PRXL2C: variants seen among roughly 807,000 people sequenced by gnomAD.
The protein encoded by PRXL2C is peroxiredoxin like 2C, also known as peroxiredoxin-like 2C.
A neutral mutation model predicts 24.9 loss-of-function variants in PRXL2C; 38 were observed. That is an observed-to-expected ratio of 1.53 (90% confidence interval 1.18 to 2.00). The LOEUF is 2.00. Ranked by LOEUF, PRXL2C falls within the 30% of genes most tolerant of loss-of-function variation. The pLI is 0.00. For synonymous variants in PRXL2C, 98 were observed against 117.2 expected (o/e 0.84, Z 1.06); for missense variants, 294 against 290.9 (o/e 1.01, Z -0.08).
chr9:96,644,881 C>CT (rs530343244), intron 5 of PRXL2C, among the ~76,000 whole-genome samples: 1,562 of 36,700 alleles, frequency 0.043, 490 homozygotes, highest in Middle Eastern at 0.083. Flanking sequence ...TACATGGATT[C>CT]TTTTTTTTTT....
Position 96,640,604 on chromosome 9 carries a change from G to A in PRXL2C, c.*1155C>T, listed in dbSNP as rs941021794. 1 of 147,404 alleles carries A rather than the reference G, an allele frequency of 6.8e-6. No homozygotes were observed. Among genetic ancestry groups the A allele is most frequent in the African/African-American group, 2.5e-5 (1 of 40,010 alleles). 9.1% of individuals were successfully genotyped at this position (147,404 alleles called of 1,614,324 possible). A position where few individuals can be genotyped will look rare whatever the true frequency, so the allele number is the denominator to read the frequency against. On this transcript the variant is annotated 3_prime_UTR_variant, in exon 6 of 6. Transcript: ENST00000375234. Reference sequence around the variant, plus strand: ...ACACATTGGGAGGCCGAGGTGGGCGGATCATGAGGTCAGGAGGTCAAGACC... The same window carrying A: ...ACACATTGGGAGGCCGAGGTGGGCGAATCATGAGGTCAGGAGGTCAAGACC...
chr9:96,645,333 G>A (rs1386215915), intron 5 of PRXL2C, among the ~76,000 whole-genome samples: 4 of 152,084 alleles, frequency 2.6e-5, no homozygotes, highest in Admixed American at 1.3e-4. Context: ...GCCCACAGGT[G>A]ACTGTGGGAA....
At chr9:96,643,548 T>C (rs1848148228) in intron 5 of PRXL2C, among the ~76,000 whole-genome samples, 1 of 151,922 alleles carries the variant, frequency 6.6e-6, no homozygotes, top group Non-Finnish European at 1.5e-5. Flanking sequence ...GCCCAGCCCA[T>C]GTACTCTTTA....
intron 5 of PRXL2C, 55 bp downstream of exon 5, chr9:96,645,838 T>C (rs751973293): frequency 1.3e-6 from 2 of 1,511,644 alleles, no homozygotes; most frequent in East Asian, 2.4e-5. Context: ...TGGCGGCCTC[T>C]GAACTTGTAA....
Position 96,653,840 on chromosome 9 carries a change from G to GT in PRXL2C, c.261+864dup, listed in dbSNP as rs532978133. The stretch of plus-strand genomic sequence containing the variant: ...TCTTTTTTAAAAACTCTGTAGCACA[G>GT]TTTTTTTTTTTTCTTTTTTAGACGG... On this transcript the variant is annotated intron_variant, in intron 2 of 5. Transcript: ENST00000375234. Among the ~76,000 whole-genome samples the GT allele has an allele frequency of 8.8e-3, 1,295 of 146,700 alleles. 20 individuals are homozygous for GT. The highest frequency in any genetic ancestry group is 0.041 in the South Asian group (190 of 4,634).
chr9:96,645,372 C>T (rs1848183321), intron 5 of PRXL2C, among the ~76,000 whole-genome samples: 1 of 152,034 alleles, frequency 6.6e-6, no homozygotes, highest in Non-Finnish European at 1.5e-5. Flanking sequence ...GATGGGCACG[C>T]TCATCAAATA....
At chr9:96,653,987 C>T (rs922013431) in intron 2 of PRXL2C, among the ~76,000 whole-genome samples, 5 of 152,090 alleles carry the variant, frequency 3.3e-5, no homozygotes, top group African/African-American at 9.7e-5. Context: ...CCTACAGGCG[C>T]CCGCCACCAA....
chr9:96,651,294 C>A (rs1848261576), intron 4 of PRXL2C, 96 bp downstream of exon 4: 8 of 928,218 alleles, frequency 8.6e-6, no homozygotes, highest in Admixed American at 2.8e-5. Flanking sequence ...AACAAAAAAG[C>A]CTGATTTATG....
In PRXL2C at chr9:96,651,386, T is replaced by C; in HGVS notation, c.421+4A>G. The C allele has an allele frequency of 6.3e-7, 1 of 1,596,736 alleles. No individual in the cohort carries two copies. The highest frequency in any genetic ancestry group is 8.6e-7 in the Non-Finnish European group (1 of 1,166,978). ...TTTTCTATTTGAGACATGTTATGTC[T>C]TACCTGAGGAAGCAATTTCTTCACC... On this transcript the variant is annotated splice_donor_region_variant and intron_variant, in intron 4 of 5. Transcript: ENST00000375234.
intron 5 of PRXL2C, among the ~76,000 whole-genome samples, chr9:96,645,274 T>A (rs1588100824): frequency 6.6e-6 from 1 of 151,898 alleles, no homozygotes; most frequent in East Asian, 1.9e-4. Context: ...TCATCTCCAC[T>A]GAACATTCCT....
At chr9:96,652,953 C>T (rs535080700) in intron 2 of PRXL2C, among the ~76,000 whole-genome samples, 3 of 152,094 alleles carry the variant, frequency 2.0e-5, no homozygotes, top group Non-Finnish European at 4.4e-5. Flanking sequence ...ATCGGCCGGG[C>T]GCGGTGGCTC....
chr9:96,645,857 A>C, intron 5 of PRXL2C, 36 bp downstream of exon 5: 1 of 1,555,906 alleles, frequency 6.4e-7, no homozygotes. Flanking sequence ...AAAAAGCACA[A>C]GACGTCTACT....
rs2119164899 is a variant in PRXL2C at position 96,640,440 on chromosome 9, C to G, written c.*1319G>C. On this transcript the variant is annotated 3_prime_UTR_variant, in exon 6 of 6. Transcript: ENST00000375234. ...GAGGCTGAGGCAGAATTGCTTGAACCAAGGAGGCGGAAGTTGCAGTGAGCT... is the reference window on the plus strand; with the variant it reads ...GAGGCTGAGGCAGAATTGCTTGAACGAAGGAGGCGGAAGTTGCAGTGAGCT... The G allele has an allele frequency of 7.3e-6, 1 of 137,362 alleles. No homozygotes were observed. Among genetic ancestry groups the G allele is most frequent in the East Asian group, 2.1e-4 (1 of 4,736 alleles). 8.5% of individuals were successfully genotyped at this position (137,362 alleles called of 1,614,324 possible).
At chr9:96,644,876 GGATTCTTTTTTTTTTTT>G (rs1361103332) in intron 5 of PRXL2C, among the ~76,000 whole-genome samples, 1 of 113,676 alleles carries the variant, frequency 8.8e-6, no homozygotes, top group African/African-American at 3.0e-5. Context: ...ATAACTACAT[GGATTCTTTTTTTTTTTT>G]TTTTTTTTTT....
chr9:96,653,143 C>T (rs1002805835), intron 2 of PRXL2C, among the ~76,000 whole-genome samples: 26 of 151,690 alleles, frequency 1.7e-4, no homozygotes, highest in Admixed American at 1.5e-3. Context: ...AGGAGAATGG[C>T]GTGAACCCGG....
intron 4 of PRXL2C, among the ~76,000 whole-genome samples, chr9:96,650,747 A>C (rs1172983922): frequency 6.6e-6 from 1 of 152,030 alleles, no homozygotes; most frequent in South Asian, 2.1e-4. Flanking sequence ...ACAAAAGCCA[A>C]TTTTCTCACT....
intron 5 of PRXL2C, among the ~76,000 whole-genome samples, chr9:96,642,248 T>C (rs1848127402): frequency 6.6e-6 from 1 of 152,234 alleles, no homozygotes; most frequent in East Asian, 1.9e-4. Flanking sequence ...GTTTCTTAAA[T>C]CTAATAATAG....
At position 96,645,831 on chromosome 9, in the gene PRXL2C, C is replaced by G. The variant is rs555010249; in HGVS notation, c.553+62G>C. The G allele has an allele frequency of 9.0e-6, 13 of 1,452,494 alleles. No individual in the cohort carries two copies. In the African/African-American group the frequency reaches 1.6e-4, roughly 18 times the overall value. 90.0% of individuals were successfully genotyped at this position (1,452,494 alleles called of 1,614,324 possible). A position where few individuals can be genotyped will look rare whatever the true frequency, so the allele number is the denominator to read the frequency against. ...AAAAAAGGAAAAGAAAAGAAAATGG[C>G]GGCCTCTGAACTTGTAAAAAGCACA... is the stretch of plus-strand genomic sequence containing the variant. On this transcript the variant is annotated intron_variant, in intron 5 of 5. Coordinates refer to ENST00000375234, the MANE Select transcript of PRXL2C (RefSeq NM_153698.2).
In PRXL2C at chr9:96,640,628, C is replaced by T. The variant is rs189046298; in HGVS notation, c.*1131G>A. On this transcript the variant is annotated 3_prime_UTR_variant, in exon 6 of 6. Transcript: ENST00000375234. Reference sequence around the variant, plus strand: ...GGATCATGAGGTCAGGAGGTCAAGACCATCCTGGCTGTTATAACACAGTGA... The same window carrying T: ...GGATCATGAGGTCAGGAGGTCAAGATCATCCTGGCTGTTATAACACAGTGA... The T allele has an allele frequency of 1.3e-5, 2 of 148,640 alleles. No homozygotes were observed. The highest frequency in any genetic ancestry group is 3.0e-5 in the Non-Finnish European group (2 of 67,754). 9.2% of individuals were successfully genotyped at this position (148,640 alleles called of 1,614,324 possible). A position where few individuals can be genotyped will look rare whatever the true frequency, so the allele number is the denominator to read the frequency against.
Sources: allele counts gnomAD v4.1 joint callset (sites outside exome capture counted in the v4.1 genomes callset), GRCh38; gene constraint gnomAD v4.1.1; transcripts MANE v1.5; gene names NCBI Gene and HGNC (gene_info 2026-07-23, HGNC 2026-07-21).